KCNK2: variants seen among roughly 807,000 people sequenced by gnomAD.
KCNK2 encodes potassium two pore domain channel subfamily K member 2.
A neutral mutation model predicts 40.5 loss-of-function variants in KCNK2; 21 were observed. The observed-to-expected ratio is 0.52, with a 90% CI of 0.37 to 0.75. The LOEUF (loss-of-function observed/expected upper bound fraction) is 0.75. KCNK2 is among the 30% of genes least tolerant of loss of function. KCNK2 has a pLI of 0.00. For missense variants in KCNK2, 399 were observed against 531.6 expected (o/e 0.75, Z 2.45); for synonymous variants, 191 against 202.2 (o/e 0.94, Z 0.47).
chr1:215,166,568 C>T (rs1313126462), intron 3 of KCNK2, among the ~76,000 whole-genome samples: 2 of 152,050 alleles, frequency 1.3e-5, no homozygotes, highest in Non-Finnish European at 2.9e-5. Flanking sequence ...AACAGTAAGG[C>T]AGCTGTACAC....
intron 3 of KCNK2, among the ~76,000 whole-genome samples, chr1:215,150,865 C>A (rs1393878819): frequency 6.6e-6 from 1 of 151,716 alleles, no homozygotes; most frequent in East Asian, 1.9e-4. Flanking sequence ...TCTTTTCTTT[C>A]ATTATACCTG....
At chr1:215,049,043 A>G (rs894024214) in intron 1 of KCNK2, among the ~76,000 whole-genome samples, 2 of 152,176 alleles carry the variant, frequency 1.3e-5, no homozygotes, top group African/African-American at 4.8e-5. Flanking sequence ...TCTTAGGATC[A>G]TGTTTTTATA....
chr1:215,193,206 G>A (rs2102662550), intron 5 of KCNK2, among the ~76,000 whole-genome samples: 1 of 152,122 alleles, frequency 6.6e-6, no homozygotes, highest in Non-Finnish European at 1.5e-5. Flanking sequence ...CTACAATAAT[G>A]TTATACTCAG....
intron 5 of KCNK2, among the ~76,000 whole-genome samples, chr1:215,187,926 G>A (rs1186259423): frequency 4.6e-5 from 7 of 150,968 alleles, no homozygotes; most frequent in Non-Finnish European, 2.9e-5. Flanking sequence ...ATTTTGTAAA[G>A]GGTAATGTGA....
chr1:215,062,112 C>CCAATA (rs891600322), intron 1 of KCNK2, among the ~76,000 whole-genome samples: 83 of 152,234 alleles, frequency 5.5e-4, no homozygotes, highest in African/African-American at 2.0e-3. Context: ...TCTGCTCTAA[C>CCAATA]CAATACATGG....
chr1:215,061,541 T>C (rs1658361947), intron 1 of KCNK2, among the ~76,000 whole-genome samples: 1 of 152,190 alleles, frequency 6.6e-6, no homozygotes, highest in Admixed American at 6.5e-5. Context: ...AGTATTTTAA[T>C]TGCTTTACTG....
At chr1:215,131,440 A>G (rs995428450) in intron 3 of KCNK2, among the ~76,000 whole-genome samples, 2 of 147,066 alleles carry the variant, frequency 1.4e-5, no homozygotes, top group Non-Finnish European at 3.0e-5. Flanking sequence ...ATTATGTATT[A>G]TATTCATATA....
intron 1 of KCNK2, among the ~76,000 whole-genome samples, chr1:215,013,995 A>G (rs1656497063): frequency 6.6e-6 from 1 of 151,996 alleles, no homozygotes; most frequent in Non-Finnish European, 1.5e-5. Flanking sequence ...TTTTCCTTAT[A>G]TTGGTGGGAA....
chr1:215,022,132 C>CTATCT (rs369998159), intron 1 of KCNK2, among the ~76,000 whole-genome samples: 1 of 9,878 alleles, frequency 1.0e-4, no homozygotes, highest in East Asian at 4.2e-3. Flanking sequence ...TCTATCTAAT[C>CTATCT]ATCTATCTAT....
At chr1:215,028,479 G>A (rs1031790276) in intron 1 of KCNK2, among the ~76,000 whole-genome samples, 3 of 152,096 alleles carry the variant, frequency 2.0e-5, no homozygotes, top group Admixed American at 6.5e-5. Flanking sequence ...TTTACAAGAT[G>A]TTTGTACTTT....
chr1:215,181,673 G>A (rs1357816708), intron 5 of KCNK2, among the ~76,000 whole-genome samples: 2 of 152,144 alleles, frequency 1.3e-5, no homozygotes, highest in East Asian at 1.9e-4. Flanking sequence ...CTCTCAGCAG[G>A]TTTTATCTTG....
intron 2 of KCNK2, among the ~76,000 whole-genome samples, chr1:215,121,517 C>T (rs942888824): frequency 6.6e-6 from 1 of 152,156 alleles, no homozygotes; most frequent in Non-Finnish European, 1.5e-5. Flanking sequence ...TCAAGTAATT[C>T]ACCTGCCTCA....
intron 1 of KCNK2, among the ~76,000 whole-genome samples, chr1:215,018,336 T>C (rs1188380054): frequency 6.6e-6 from 1 of 152,228 alleles, no homozygotes; most frequent in Admixed American, 6.5e-5. Context: ...AGAATATCAG[T>C]CTGGAACATC....
At chr1:215,119,018 C>T (rs1661066213) in intron 2 of KCNK2, among the ~76,000 whole-genome samples, 1 of 152,072 alleles carries the variant, frequency 6.6e-6, no homozygotes, top group Non-Finnish European at 1.5e-5. Context: ...AAAATCAGAA[C>T]TTCTGGTGCC....
At chr1:215,016,279 G>A (rs916126215) in intron 1 of KCNK2, among the ~76,000 whole-genome samples, 28 of 74,602 alleles carry the variant, frequency 3.8e-4, no homozygotes, top group African/African-American at 2.4e-3. Context: ...CAAGAGTTAA[G>A]AGATATAGAA....
At chr1:215,087,839 C>G (rs1659514442) in intron 2 of KCNK2, among the ~76,000 whole-genome samples, 1 of 152,188 alleles carries the variant, frequency 6.6e-6, no homozygotes, top group Non-Finnish European at 1.5e-5. Flanking sequence ...AAGATACTAT[C>G]TCTGCCCTTC....
At chr1:215,020,228 AAT>A (rs2102477400) in intron 1 of KCNK2, among the ~76,000 whole-genome samples, 1 of 152,304 alleles carries the variant, frequency 6.6e-6, no homozygotes, top group African/African-American at 2.4e-5. Context: ...CTTTGGACCA[AAT>A]CTATTGAATA....
At chr1:215,007,116 T>C (rs537158756) in intron 1 of KCNK2, among the ~76,000 whole-genome samples, 1 of 121,356 alleles carries the variant, frequency 8.2e-6, no homozygotes, top group East Asian at 2.5e-4. Flanking sequence ...TATGTGTGTA[T>C]ATATGTATAT....
chr1:215,203,228 G>C (rs1208842214), intron 6 of KCNK2, among the ~76,000 whole-genome samples: 1 of 152,196 alleles, frequency 6.6e-6, no homozygotes, highest in Admixed American at 6.5e-5. Context: ...GAAAAGAAAT[G>C]ATTTGTATGA....
Sources: gnomAD v4.1 joint callset for allele counts (sites outside exome capture counted in the v4.1 genomes callset) on GRCh38, gnomAD v4.1.1 for gene constraint, MANE v1.5 for transcripts, NCBI Gene and HGNC (gene_info 2026-07-23, HGNC 2026-07-21) for gene names.